Variants in SGCZ observed in about 807,000 individuals in gnomAD.
SGCZ encodes zeta-sarcoglycan.
In SGCZ, 40 loss-of-function variants were observed where a neutral mutation model predicts 41.3. The ratio of observed to expected loss-of-function variants is 0.97; its 90% CI spans 0.75 to 1.26. SGCZ has a LOEUF of 1.26. Among genes scored for constraint, SGCZ ranks in the 50% most tolerant of loss-of-function variants. The pLI, the probability that SGCZ is intolerant of heterozygous loss-of-function variation, is 0.00. For missense variants in SGCZ, 552 were observed against 369.8 expected (o/e 1.49, Z -4.04); for synonymous variants, 206 against 137.5 (o/e 1.50, Z -3.49).
intron 4 of SGCZ, among the ~76,000 whole-genome samples, chr8:14,222,499 C>T (rs565886700): frequency 8.5e-5 from 13 of 152,132 alleles, no homozygotes; most frequent in Admixed American, 2.6e-4. Context: ...GTGTTGACCT[C>T]CAGAATAATC....
chr8:15,221,306 G>A (rs1801593256), intron 1 of SGCZ, among the ~76,000 whole-genome samples: 2 of 152,134 alleles, frequency 1.3e-5, no homozygotes, highest in Admixed American at 6.5e-5. Context: ...AAACTAACAT[G>A]GGAGTGGGGG....
At chr8:14,803,198 T>C (rs1187669463) in intron 1 of SGCZ, among the ~76,000 whole-genome samples, 1 of 152,112 alleles carries the variant, frequency 6.6e-6, no homozygotes, top group African/African-American at 2.4e-5. Flanking sequence ...TAATCACCTT[T>C]AAAAGACCAA....
At chr8:14,731,542 AT>A (rs1466672389) in intron 1 of SGCZ, among the ~76,000 whole-genome samples, 3 of 152,156 alleles carry the variant, frequency 2.0e-5, no homozygotes, top group Admixed American at 6.5e-5. Context: ...AATAAAAATA[AT>A]TTTTAAAAAA....
chr8:14,258,272 A>G (rs1799535229), intron 3 of SGCZ, among the ~76,000 whole-genome samples: 1 of 152,134 alleles, frequency 6.6e-6, no homozygotes. Flanking sequence ...GTTTCTCAGG[A>G]CATTAAACTT....
chr8:15,120,666 G>T (rs1433722874), intron 1 of SGCZ, among the ~76,000 whole-genome samples: 1 of 152,004 alleles, frequency 6.6e-6, no homozygotes, highest in East Asian at 1.9e-4. Context: ...TGCCCCCTGA[G>T]AAAATGAATT....
intron 2 of SGCZ, among the ~76,000 whole-genome samples, chr8:14,469,965 C>T (rs1801167737): frequency 6.6e-6 from 1 of 152,116 alleles, no homozygotes; most frequent in Non-Finnish European, 1.5e-5. Flanking sequence ...CTGTGATCCA[C>T]TCCAGCAAGT....
chr8:14,283,132 A>C (rs1800506787), intron 3 of SGCZ, among the ~76,000 whole-genome samples: 1 of 151,978 alleles, frequency 6.6e-6, no homozygotes, highest in African/African-American at 2.4e-5. Flanking sequence ...TACAAGTGTG[A>C]GCCACTGTGC....
intron 1 of SGCZ, among the ~76,000 whole-genome samples, chr8:14,826,446 C>T (rs564593910): frequency 1.3e-5 from 2 of 152,032 alleles, no homozygotes; most frequent in African/African-American, 2.4e-5. Context: ...TGGGGATATA[C>T]CCAGTAATGG....
chr8:14,271,058 G>A (rs530091197), intron 3 of SGCZ, among the ~76,000 whole-genome samples: 73 of 152,274 alleles, frequency 4.8e-4, no homozygotes, highest in Non-Finnish European at 8.8e-4. Context: ...GAGGTGGGCG[G>A]AGCGGGGAGG....
intron 3 of SGCZ, among the ~76,000 whole-genome samples, chr8:14,306,530 T>G (rs1419503164): frequency 6.6e-6 from 1 of 152,170 alleles, no homozygotes; most frequent in Non-Finnish European, 1.5e-5. Context: ...CAGGAGTATT[T>G]TGATTCTACT....
intron 2 of SGCZ, among the ~76,000 whole-genome samples, chr8:14,430,027 G>T (rs568235758): frequency 6.6e-6 from 1 of 151,932 alleles, no homozygotes; most frequent in Non-Finnish European, 1.5e-5. Flanking sequence ...TTCTAATTGA[G>T]CTTATTTAGA....
intron 1 of SGCZ, among the ~76,000 whole-genome samples, chr8:14,705,672 T>C (rs1420987793): frequency 1.3e-5 from 2 of 152,080 alleles, no homozygotes; most frequent in Non-Finnish European, 2.9e-5. Flanking sequence ...CTAAGAGTCA[T>C]TGATGTCTTC....
chr8:14,345,946 G>C (rs183050448), intron 2 of SGCZ, among the ~76,000 whole-genome samples: 304 of 152,190 alleles, frequency 2.0e-3, no homozygotes, highest in African/African-American at 6.6e-3. Flanking sequence ...GGATGTCTCA[G>C]TAGAACAAAG....
At chr8:14,407,971 T>C (rs1799256598) in intron 2 of SGCZ, among the ~76,000 whole-genome samples, 1 of 152,290 alleles carries the variant, frequency 6.6e-6, no homozygotes, top group African/African-American at 2.4e-5. Flanking sequence ...GTATATATCA[T>C]ACGGAGAGAT....
chr8:14,581,442 T>G (rs984770314), intron 1 of SGCZ, among the ~76,000 whole-genome samples: 1 of 151,558 alleles, frequency 6.6e-6, no homozygotes, highest in African/African-American at 2.4e-5. Context: ...TGTTTGTTTG[T>G]TTTTTTGTTT....
chr8:14,602,327 T>C (rs147204942), intron 1 of SGCZ, among the ~76,000 whole-genome samples: 2,626 of 152,068 alleles, frequency 0.017, 29 homozygotes, highest in Middle Eastern at 0.027. Flanking sequence ...CTTGGTTTAA[T>C]GAATAATGCA....
intron 2 of SGCZ, among the ~76,000 whole-genome samples, chr8:14,329,559 T>C (rs1235475026): frequency 6.6e-6 from 1 of 152,102 alleles, no homozygotes; most frequent in African/African-American, 2.4e-5. Flanking sequence ...AACCACTGTT[T>C]ATATTGTTAT....
At chr8:15,168,334 T>C (rs180947075) in intron 1 of SGCZ, among the ~76,000 whole-genome samples, 1 of 152,244 alleles carries the variant, frequency 6.6e-6, no homozygotes, top group East Asian at 1.9e-4. Context: ...GTTTCATGGG[T>C]AAAGACCAAA....
At chr8:14,145,526 G>C (rs1328317130) in intron 5 of SGCZ, among the ~76,000 whole-genome samples, 2 of 152,084 alleles carry the variant, frequency 1.3e-5, no homozygotes, top group African/African-American at 2.4e-5. Context: ...TCAATGCCCA[G>C]ACACCAAAGA....
Sources: gnomAD v4.1 joint callset for allele counts (sites outside exome capture counted in the v4.1 genomes callset) on GRCh38, gnomAD v4.1.1 for gene constraint, MANE v1.5 for transcripts, NCBI Gene and HGNC (gene_info 2026-07-23, HGNC 2026-07-21) for gene names.